The following FIGLA variants were observed in gnomAD, a reference collection of about 807,000 sequenced individuals.
FIGLA encodes the protein folliculogenesis specific bHLH transcription factor.
In FIGLA, 17 loss-of-function variants were observed where a neutral mutation model predicts 21.5. The ratio of observed to expected loss-of-function variants is 0.79; its 90% CI spans 0.54 to 1.19. The LOEUF is 1.19. Ranked by LOEUF, FIGLA falls within the 50% of genes most tolerant of loss-of-function variation. FIGLA has a pLI of 0.00. For missense variants in FIGLA, 282 were observed against 285.0 expected (o/e 0.99, Z 0.08); for synonymous variants, 129 against 117.6 (o/e 1.10, Z -0.63).
At chr2:70,781,293 G>C (rs2104597453) in intron 3 of FIGLA, among the ~76,000 whole-genome samples, 1 of 152,246 alleles carries the variant, frequency 6.6e-6, no homozygotes, top group South Asian at 2.1e-4. Context: ...CAGATAAGTG[G>C]CTGATTCCAG....
intron 3 of FIGLA, among the ~76,000 whole-genome samples, chr2:70,784,644 G>T (rs1426792012): frequency 6.6e-6 from 1 of 152,082 alleles, no homozygotes; most frequent in African/African-American, 2.4e-5. Flanking sequence ...CACCATCTGT[G>T]ACTCCACAGC....
intron 1 of FIGLA, 70 bp from the exon 2 acceptor site, chr2:70,787,871 AG>A: frequency 5.9e-6 from 9 of 1,523,842 alleles, no homozygotes; most frequent in Admixed American, 2.1e-5. Context: ...AAGCTACAGA[AG>A]GGGGTTGTTT....
intron 3 of FIGLA, 45 bp from the exon 4 acceptor site, chr2:70,777,716 T>G: frequency 1.9e-6 from 2 of 1,032,806 alleles, no homozygotes; most frequent in Non-Finnish European, 3.0e-6. Flanking sequence ...ACACATCGGT[T>G]ATTTGTCACG....
intron 3 of FIGLA, among the ~76,000 whole-genome samples, chr2:70,780,906 G>C (rs979639920): frequency 8.5e-5 from 13 of 152,228 alleles, no homozygotes; most frequent in African/African-American, 3.1e-4. Context: ...TATTCACATG[G>C]GGGGTGTGGT....
At position 70,790,609 on chromosome 2, in the gene FIGLA, G is replaced by A. The variant is rs1479030337; in HGVS notation, c.30C>T (p.Pro10=). The stretch of plus-strand genomic sequence containing the variant: ...CCAGGAGCGCGGGCGGCGCGGCGCG[G>A]GGATCTAGGACGCCGGGCGCGGGGT... MDPAPGVLD[P]RAAPPALLGT... is the part of the protein sequence containing the mutation. The change falls in exon 1 of 5, where the codon CCC becomes CCT. Residue 10 remains proline, a synonymous_variant. Transcript: ENST00000332372. 1 of 1,464,194 alleles carries A rather than the reference G, an allele frequency of 6.8e-7. No homozygotes were observed. The highest frequency in any genetic ancestry group is 2.8e-5 in the East Asian group (1 of 35,150). The allele number at this position is 1,464,194 out of a possible 1,614,324, so 90.7% of individuals were successfully genotyped here.
At chr2:70,784,713 A>G (rs1675912952) in intron 3 of FIGLA, among the ~76,000 whole-genome samples, 1 of 152,140 alleles carries the variant, frequency 6.6e-6, no homozygotes, top group Non-Finnish European at 1.5e-5. Context: ...CTTACTTCAC[A>G]TTCCTATACA....
At chr2:70,784,208 C>A (rs1675905682) in intron 3 of FIGLA, among the ~76,000 whole-genome samples, 1 of 152,130 alleles carries the variant, frequency 6.6e-6, no homozygotes, top group Non-Finnish European at 1.5e-5. Context: ...TCTCCCCACC[C>A]CTGCCCTGCC....
intron 2 of FIGLA, among the ~76,000 whole-genome samples, chr2:70,786,510 T>C (rs972014843): frequency 6.6e-6 from 1 of 152,178 alleles, no homozygotes; most frequent in Non-Finnish European, 1.5e-5. Flanking sequence ...TTCACCATGT[T>C]AGCCAGGATG....
intron 3 of FIGLA, among the ~76,000 whole-genome samples, chr2:70,778,795 A>G (rs1675807197): frequency 6.6e-6 from 1 of 152,200 alleles, no homozygotes; most frequent in African/African-American, 2.4e-5. Context: ...AGTCTGGAGA[A>G]TAGAAACCCA....
intron 3 of FIGLA, among the ~76,000 whole-genome samples, 188 bp downstream of exon 3, chr2:70,785,227 A>G (rs905740592): frequency 2.0e-5 from 3 of 152,130 alleles, no homozygotes; most frequent in Non-Finnish European, 4.4e-5. Context: ...CCTTCCCTGG[A>G]GCCGCTTACC....
rs571254295 is a variant in FIGLA, at chr2:70,781,199, A to G, written c.610-3528T>C. Reference sequence around the variant, plus strand: ...GGAGGTACAGCTTGCCATGAGTGTTAAAGTTCAAGTGGGTGAGGAGAACAG... The same window carrying G: ...GGAGGTACAGCTTGCCATGAGTGTTGAAGTTCAAGTGGGTGAGGAGAACAG... On this transcript the variant is annotated intron_variant, in intron 3 of 4. Transcript: ENST00000332372. 2.0e-5 allele frequency among the ~76,000 whole-genome samples: 3 copies of G among 152,230 alleles called. No homozygotes were observed. In the South Asian group the frequency reaches 6.2e-4, roughly 32 times the overall value.
intron 3 of FIGLA, among the ~76,000 whole-genome samples, chr2:70,781,813 A>G (rs1293494110): frequency 3.3e-5 from 5 of 152,218 alleles, no homozygotes; most frequent in African/African-American, 1.2e-4. Flanking sequence ...TGTAGGTGTG[A>G]CCATAAAGGG....
At chr2:70,777,451 A>G in intron 4 of FIGLA, 69 bp from the exon 5 acceptor site, 1 of 1,360,758 alleles carries the variant, frequency 7.3e-7, no homozygotes, top group South Asian at 1.5e-5. Context: ...AAATAAAGAA[A>G]TATGCAAAAA....
At chr2:70,780,420 C>G (rs1040625831) in intron 3 of FIGLA, among the ~76,000 whole-genome samples, 6 of 152,196 alleles carry the variant, frequency 3.9e-5, no homozygotes, top group Non-Finnish European at 7.3e-5. Flanking sequence ...CACTAGGTCT[C>G]TAGTCTGGAC....
Position 70,790,577 on chromosome 2 carries a change from G to T in FIGLA, c.62C>A (p.Pro21Gln). Residue 21 changes from proline to glutamine, a missense_variant, in exon 1 of 5, where the codon CCG (proline) becomes CAG (glutamine). By Grantham distance (76) the Pro-to-Gln change is moderately conservative (BLOSUM62 -1). Transcript: ENST00000332372. The stretch of plus-strand genomic sequence containing the variant: ...CACGTCCTCCAGCACCTCGGCTTGC[G>T]GGGTGCCCAGGAGCGCGGGCGGCGC... ...RAAPPALLGT[P>Q]QAEVLEDVLR... 1 of 1,514,680 alleles carries T rather than the reference G, an allele frequency of 6.6e-7. No homozygotes were observed. The highest frequency in any genetic ancestry group is 1.2e-5 in the South Asian group (1 of 81,470). 93.8% of individuals were successfully genotyped at this position (1,514,680 alleles called of 1,614,324 possible).
intron 2 of FIGLA, among the ~76,000 whole-genome samples, chr2:70,787,418 C>A (rs1675976367): frequency 6.6e-6 from 1 of 152,220 alleles, no homozygotes; most frequent in Non-Finnish European, 1.5e-5. Context: ...AGGGACTCAA[C>A]TCTAAAGCTC....
intron 2 of FIGLA, among the ~76,000 whole-genome samples, chr2:70,786,152 A>C (rs1319760984): frequency 1.3e-5 from 2 of 150,758 alleles, no homozygotes; most frequent in Non-Finnish European, 2.9e-5. Context: ...TCTCTCTAGT[A>C]TCTCTCCTTC....
chr2:70,790,349 G>A (rs769370684), intron 1 of FIGLA, 59 bp downstream of exon 1: 3 of 1,452,782 alleles, frequency 2.1e-6, no homozygotes, highest in Non-Finnish European at 2.7e-6. Context: ...GTGTTGACCA[G>A]GTGTTTGGTG....
rs1344404919 is a variant in FIGLA at position 70,777,668 on chromosome 2, T to C, written c.613A>G (p.Arg205Gly). The C allele has an allele frequency of 2.1e-6, 3 of 1,461,668 alleles. No individual in the cohort carries two copies. Among genetic ancestry groups the C allele is most frequent in the Non-Finnish European group, 2.9e-6 (3 of 1,045,894 alleles). The allele number at this position is 1,461,668 out of a possible 1,614,324, so 90.5% of individuals were successfully genotyped here. Residue 205 changes from arginine (R) to glycine (G), a missense_variant, in exon 4 of 5, where the codon AGA (arginine) becomes GGA (glycine). Transcript: ENST00000332372. ...EIISPTRSLD[R>G]FPEVELLSHR... is the part of the protein sequence containing the mutation. Reference sequence around the variant, plus strand: ...CTCAGCAGTTCTACTTCTGGGAATCTATCCTGCAAAAACAATACAAAATAC... The same window carrying C: ...CTCAGCAGTTCTACTTCTGGGAATCCATCCTGCAAAAACAATACAAAATAC...
Sources: gnomAD v4.1 joint callset for allele counts (sites outside exome capture counted in the v4.1 genomes callset) on GRCh38, gnomAD v4.1.1 for gene constraint, MANE v1.5 for transcripts, NCBI Gene and HGNC (gene_info 2026-07-23, HGNC 2026-07-21) for gene names.